Variants in GLRA2 observed in about 807,000 individuals in gnomAD.
GLRA2 encodes glycine receptor alpha 2.
GLRA2 carries 11 observed loss-of-function variants against 31.6 expected under a neutral mutation model. The ratio of observed to expected loss-of-function variants is 0.35; its 90% CI spans 0.22 to 0.58. The LOEUF is 0.58. Ranked by LOEUF, GLRA2 falls within the 20% of genes least tolerant of loss-of-function variation. The pLI, the probability that GLRA2 is intolerant of heterozygous loss-of-function variation, is 0.84. For synonymous variants in GLRA2, 132 were observed against 134.0 expected, an observed-to-expected ratio of 0.99 and a Z score of 0.10; for missense variants, 212 against 351.8, an observed-to-expected ratio of 0.60 and a Z score of 3.18.
chrX:14,624,906 G>C (rs369209180), intron 7 of GLRA2, among the ~76,000 whole-genome samples: 1 of 111,328 alleles, frequency 9.0e-6, no homozygotes, highest in Non-Finnish European at 1.9e-5. Context: ...GGATATCCTT[G>C]TTAACTTTCT....
intron 7 of GLRA2, among the ~76,000 whole-genome samples, chrX:14,640,196 G>A (rs1000258215): frequency 4.0e-4 from 44 of 110,757 alleles, no homozygotes; most frequent in African/African-American, 1.1e-3. Flanking sequence ...ACTTTGCCAA[G>A]AGATAGGCAA....
intron 7 of GLRA2, among the ~76,000 whole-genome samples, chrX:14,636,327 A>T (rs62586497): frequency 0.23 from 25,884 of 110,460 alleles, 2,283 homozygotes; most frequent in Middle Eastern, 0.27. Flanking sequence ...AACCTGACAA[A>T]TACGACCTTA....
At position 14,669,367 on chromosome X, in the gene GLRA2, C is replaced by T. The variant is rs183933574; in HGVS notation, c.931-21343C>T. Among the ~76,000 whole-genome samples the T allele has an allele frequency of 7.3e-3, 817 of 111,590 alleles. 3 individuals carry two copies. The highest frequency in any genetic ancestry group is 0.013 in the Admixed American group (137 of 10,539). On this transcript the variant is annotated intron_variant, in intron 7 of 8. Transcript: ENST00000218075. ...AGCTATCATTCTGGGGTCGGAAGGA[C>T]GGTGGCCCTCTTCTCACAGGTGCAC... is the stretch of plus-strand genomic sequence containing the variant.
chrX:14,684,815 C>G (rs968192729), intron 7 of GLRA2, among the ~76,000 whole-genome samples: 2 of 111,246 alleles, frequency 1.8e-5, no homozygotes, highest in Admixed American at 1.9e-4. Flanking sequence ...ATTTCCTTCT[C>G]CTGCCTGATT....
chrX:14,643,444 T>C lies in GLRA2; in HGVS notation c.930+34239T>C, dbSNP rs188456198. 2.5e-4 allele frequency among the ~76,000 whole-genome samples: 28 copies of C among 111,579 alleles called. No homozygotes were observed. The East Asian group carries it at 7.6e-3, about 30-fold the overall frequency. On this transcript the variant is annotated intron_variant, in intron 7 of 8. Coordinates refer to ENST00000218075, the MANE Select transcript of GLRA2 (RefSeq NM_002063.4). ...GTAGATGATAATTGGGTAGAAAAAA[T>C]TAAATGGCCTGAGAAATACCCGGGG...
chrX:14,470,863 T>C, the GLRA2 span, among the ~76,000 whole-genome samples: 1 of 111,959 alleles, frequency 8.9e-6, no homozygotes, highest in African/African-American at 3.2e-5. Context: ...AAATCACAGG[T>C]TTTTGACTGC....
intron 4 of GLRA2, among the ~76,000 whole-genome samples, chrX:14,594,297 A>T (rs2238913): frequency 7.2e-4 from 79 of 109,713 alleles, no homozygotes; most frequent in Non-Finnish European, 1.3e-3. Flanking sequence ...ACATTTTAAA[A>T]ATTGCTACAC....
intron 4 of GLRA2, among the ~76,000 whole-genome samples, chrX:14,583,675 G>A (rs868437471): frequency 4.5e-5 from 5 of 111,903 alleles, no homozygotes; most frequent in Non-Finnish European, 9.4e-5. Context: ...GGAGGCGGAG[G>A]TTGCAGTGAG....
At chrX:14,624,481 G>C (rs2090564051) in intron 7 of GLRA2, among the ~76,000 whole-genome samples, 1 of 111,407 alleles carries the variant, frequency 9.0e-6, no homozygotes, top group Non-Finnish European at 1.9e-5. Context: ...TTTCTCTTGG[G>C]GCATTTAGTG....
chrX:14,703,082 A>G (rs2091569183), intron 8 of GLRA2, among the ~76,000 whole-genome samples: 1 of 111,842 alleles, frequency 8.9e-6, no homozygotes, highest in Non-Finnish European at 1.9e-5. Context: ...GGGCTATGCA[A>G]AGCAGTCAGG....
chrX:14,632,510 G>A (rs886850631), intron 7 of GLRA2, among the ~76,000 whole-genome samples: 6 of 111,279 alleles, frequency 5.4e-5, no homozygotes, highest in African/African-American at 2.0e-4. Context: ...TTTTGTAAAG[G>A]AATTAATAAT....
intron 8 of GLRA2, among the ~76,000 whole-genome samples, chrX:14,709,949 G>C (rs1309554188): frequency 1.8e-5 from 2 of 111,887 alleles, no homozygotes; most frequent in Non-Finnish European, 3.8e-5. Flanking sequence ...AGAGAAAGCA[G>C]GTTTATAGTT....
At chrX:14,543,387 G>A (rs1370497326) in intron 2 of GLRA2, among the ~76,000 whole-genome samples, 1 of 110,103 alleles carries the variant, frequency 9.1e-6, no homozygotes, top group Non-Finnish European at 1.9e-5. Flanking sequence ...GAACTTGGAT[G>A]CACCCAATCT....
intron 8 of GLRA2, among the ~76,000 whole-genome samples, chrX:14,721,790 CCT>C (rs1255064883): frequency 4.5e-5 from 5 of 111,263 alleles, no homozygotes; most frequent in African/African-American, 1.3e-4. Context: ...AGTTCTTTGT[CCT>C]CTCTCAGTTT....
intron 7 of GLRA2, among the ~76,000 whole-genome samples, chrX:14,679,874 C>T (rs890273321): frequency 7.2e-5 from 8 of 111,819 alleles, no homozygotes; most frequent in African/African-American, 2.3e-4. Context: ...GACTGTTTCC[C>T]TCAGTAGACC....
chrX:14,620,987 G>T (rs2090508325), intron 7 of GLRA2, among the ~76,000 whole-genome samples: 1 of 111,624 alleles, frequency 9.0e-6, no homozygotes, highest in Admixed American at 9.5e-5. Context: ...GGGGCTTAGT[G>T]ATCAGGGCCC....
At chrX:14,621,284 C>T (rs1204775991) in intron 7 of GLRA2, among the ~76,000 whole-genome samples, 1 of 110,717 alleles carries the variant, frequency 9.0e-6, no homozygotes, top group Non-Finnish European at 1.9e-5. Flanking sequence ...GACCCTACCA[C>T]AAATTAAACC....
At chrX:14,717,758 C>A (rs952230373) in intron 8 of GLRA2, among the ~76,000 whole-genome samples, 9 of 99,898 alleles carry the variant, frequency 9.0e-5, no homozygotes, top group Admixed American at 1.1e-4. Flanking sequence ...AAAAAAAAAA[C>A]CCATCGGTCA....
chrX:14,493,182 G>A, the GLRA2 span, among the ~76,000 whole-genome samples: 1 of 110,233 alleles, frequency 9.1e-6, no homozygotes, highest in Non-Finnish European at 1.9e-5. Context: ...ACACAAAACT[G>A]TACATGAATT....
Sources: gnomAD v4.1 joint callset for allele counts (sites outside exome capture counted in the v4.1 genomes callset) on GRCh38, gnomAD v4.1.1 for gene constraint, MANE v1.5 for transcripts, NCBI Gene and HGNC (gene_info 2026-07-23, HGNC 2026-07-21) for gene names.